GRK3: variants seen among roughly 807,000 people sequenced by gnomAD.
GRK3 encodes adrenergic, beta, receptor kinase 2.
In GRK3, 54 loss-of-function variants were observed where a neutral mutation model predicts 95.7. That is an observed-to-expected ratio of 0.56 (90% confidence interval 0.45 to 0.71). GRK3 has a LOEUF of 0.71. GRK3 is among the 30% of genes least tolerant of loss of function. The pLI, the probability that GRK3 is intolerant of heterozygous loss-of-function variation, is 0.00. For missense variants in GRK3, 649 were observed against 851.2 expected (o/e 0.76, Z 2.96); for synonymous variants, 281 against 290.8 (o/e 0.97, Z 0.34).
intron 1 of GRK3, among the ~76,000 whole-genome samples, chr22:25,568,679 A>T (rs1242452417): frequency 6.6e-6 from 1 of 152,164 alleles, no homozygotes; most frequent in Non-Finnish European, 1.5e-5. Context: ...GAGCTTATAG[A>T]CTAGTGTGAA....
chr22:25,609,697 A>G (rs1300508352), intron 2 of GRK3, among the ~76,000 whole-genome samples: 1 of 152,126 alleles, frequency 6.6e-6, no homozygotes, highest in Non-Finnish European at 1.5e-5. Context: ...GTGGTAATAT[A>G]ATATTATATC....
chr22:25,631,894 C>T (rs372534083), intron 2 of GRK3, among the ~76,000 whole-genome samples: 1 of 152,252 alleles, frequency 6.6e-6, no homozygotes. Context: ...GCACTTTGCA[C>T]GTATGAGTAG....
intron 8 of GRK3, among the ~76,000 whole-genome samples, chr22:25,677,851 G>A (rs976193473): frequency 5.3e-4 from 81 of 152,100 alleles, no homozygotes; most frequent in African/African-American, 1.9e-3. Context: ...TTGTCCTACC[G>A]AAAAAGCTTC....
chr22:25,685,076 G>A (rs547803469), intron 9 of GRK3, 94 bp from the exon 10 acceptor site: 63 of 815,076 alleles, frequency 7.7e-5, no homozygotes, highest in Non-Finnish European at 1.2e-4. Context: ...AAAAAATAAA[G>A]TAATTTTAAA....
rs1363483480 is a variant in GRK3, at chr22:25,667,761, A to G, written c.464A>G (p.Glu155Gly). Residue 155 changes from glutamate to glycine, a missense_variant, in exon 6 of 21, where the codon GAA (glutamate) becomes GGA (glycine). Physicochemically the swap from Glu to Gly is moderately conservative, Grantham distance 98. Coordinates refer to ENST00000324198, the MANE Select transcript of GRK3 (RefSeq NM_005160.4). Reference protein sequence around the residue: ...LFQPYIEEICESLRGDIFQKF... With the variant: ...LFQPYIEEICGSLRGDIFQKF... Reference sequence around the variant, plus strand: ...CAGCCATACATAGAAGAAATTTGTGAAAGCCTTCGAGGTGACATTTTTCAA... The same window carrying G: ...CAGCCATACATAGAAGAAATTTGTGGAAGCCTTCGAGGTGACATTTTTCAA... 9 of 1,612,286 alleles carry G rather than the reference A, an allele frequency of 5.6e-6. No homozygotes were observed. Among genetic ancestry groups the G allele is most frequent in the Non-Finnish European group, 7.6e-6 (9 of 1,178,472 alleles).
intron 2 of GRK3, among the ~76,000 whole-genome samples, chr22:25,632,937 G>A (rs896786588): frequency 2.0e-5 from 3 of 152,096 alleles, no homozygotes; most frequent in Non-Finnish European, 4.4e-5. Context: ...TAGAGACAGA[G>A]TCTTGCTCTG....
intron 12 of GRK3, among the ~76,000 whole-genome samples, chr22:25,690,673 G>T (rs774930563): frequency 2.0e-4 from 31 of 152,108 alleles, no homozygotes; most frequent in Non-Finnish European, 3.8e-4. Context: ...AAGGCACCGG[G>T]GCAGCTGCGT....
At chr22:25,688,123 C>G (rs1055175957) in intron 11 of GRK3, among the ~76,000 whole-genome samples, 2 of 151,410 alleles carry the variant, frequency 1.3e-5, no homozygotes, top group Non-Finnish European at 2.9e-5. Context: ...GTAGTCCCAG[C>G]TACTCAGGAG....
At chr22:25,584,421 C>G (rs1393593328) in intron 1 of GRK3, among the ~76,000 whole-genome samples, 1 of 152,240 alleles carries the variant, frequency 6.6e-6, no homozygotes, top group African/African-American at 2.4e-5. Context: ...GCTTAGGTAT[C>G]AGATCCTTTG....
chr22:25,576,246 G>A (rs1931893739), intron 1 of GRK3, among the ~76,000 whole-genome samples: 1 of 152,098 alleles, frequency 6.6e-6, no homozygotes, highest in Non-Finnish European at 1.5e-5. Context: ...AGCGAGCACA[G>A]ACCCACAGTC....
chr22:25,569,769 G>C (rs1414987723), intron 1 of GRK3, among the ~76,000 whole-genome samples: 1 of 152,220 alleles, frequency 6.6e-6, no homozygotes, highest in African/African-American at 2.4e-5. Flanking sequence ...ATGTAATAAT[G>C]TAATAACTGC....
rs1161933495 is a variant in GRK3 at position 25,709,545 on chromosome 22, A to G, written c.1329-353A>G. Among the ~76,000 whole-genome samples, 5 of 152,106 alleles carry G rather than the reference A, an allele frequency of 3.3e-5. No homozygotes were observed. In the East Asian group the frequency reaches 9.6e-4, roughly 29 times the overall value. ...TGCTGTAAATTTCTTTAATGTGTAG[A>G]TATCCAATTTAATTCTTATTTTCAG... On this transcript the variant is annotated intron_variant, in intron 15 of 20. Coordinates refer to ENST00000324198, the MANE Select transcript of GRK3 (RefSeq NM_005160.4).
chr22:25,685,882 T>G (rs1373501251), intron 10 of GRK3, among the ~76,000 whole-genome samples: 3 of 152,066 alleles, frequency 2.0e-5, no homozygotes, highest in Admixed American at 2.0e-4. Flanking sequence ...TTTTTTTTTT[T>G]TTTAAGTTCA....
chr22:25,568,932 T>C lies in GRK3; in HGVS notation c.113+3779T>C, dbSNP rs139498796. On this transcript the variant is annotated intron_variant, in intron 1 of 20. Transcript: ENST00000324198. The stretch of plus-strand genomic sequence containing the variant: ...TCTAAACATAGTCTCCATGGTGATA[T>C]GGTAGTTTGCATCTTTCTGTTTGTG... Among the ~76,000 whole-genome samples, 154 of 152,374 alleles carry C rather than the reference T, an allele frequency of 1.0e-3. 1 individual carries two copies. Among genetic ancestry groups the C allele is most frequent in the Middle Eastern group, 3.4e-3 (1 of 294 alleles).
rs548547495 is a variant in GRK3 at position 25,611,352 on chromosome 22, C to T, written c.190+6899C>T. Among the ~76,000 whole-genome samples, 488 of 152,246 alleles carry T rather than the reference C, an allele frequency of 3.2e-3. 1 individual carries two copies. Among genetic ancestry groups the T allele is most frequent in the African/African-American group, 0.011 (463 of 41,534 alleles). On this transcript the variant is annotated intron_variant, in intron 2 of 20. Coordinates refer to ENST00000324198, the MANE Select transcript of GRK3 (RefSeq NM_005160.4). ...GAGTCTTTACCTAGGAGTGGAATTG[C>T]TGGGTTGTATGGCAAATTTGTGTTT... is the stretch of plus-strand genomic sequence containing the variant.
intron 2 of GRK3, among the ~76,000 whole-genome samples, chr22:25,621,420 T>A (rs971407840): frequency 6.6e-6 from 1 of 152,218 alleles, no homozygotes; most frequent in Non-Finnish European, 1.5e-5. Flanking sequence ...ATCCCTATTT[T>A]TTCTTTTTTT....
chr22:25,597,220 G>A (rs1057407834), intron 1 of GRK3, among the ~76,000 whole-genome samples: 2 of 152,098 alleles, frequency 1.3e-5, no homozygotes, highest in African/African-American at 4.8e-5. Flanking sequence ...AGAAGAGAAA[G>A]AGCCGACTAA....
intron 1 of GRK3, among the ~76,000 whole-genome samples, chr22:25,566,456 T>C (rs1931489457): frequency 6.6e-6 from 1 of 152,220 alleles, no homozygotes; most frequent in Non-Finnish European, 1.5e-5. Context: ...TGTGAAAAGC[T>C]AAATTGTGCA....
intron 1 of GRK3, among the ~76,000 whole-genome samples, chr22:25,571,113 G>GA (rs1307521260): frequency 6.6e-6 from 1 of 152,160 alleles, no homozygotes; most frequent in African/African-American, 2.4e-5. Context: ...TTCAGGAGCA[G>GA]AAAAAGATGC....
Sources: allele counts gnomAD v4.1 joint callset (sites outside exome capture counted in the v4.1 genomes callset), GRCh38; gene constraint gnomAD v4.1.1; transcripts MANE v1.5; gene names NCBI Gene and HGNC (gene_info 2026-07-23, HGNC 2026-07-21).